PZP: variants seen among roughly 807,000 people sequenced by gnomAD.
The protein encoded by PZP is PZP alpha-2-macroglobulin like.
Under a neutral mutation model 179.8 loss-of-function variants are expected in PZP, and 150 were observed. That is an observed-to-expected ratio of 0.83 (90% CI 0.73 to 0.96). The LOEUF (loss-of-function observed/expected upper bound fraction) is 0.96. Ranked by LOEUF, PZP falls within the 40% of genes least tolerant of loss-of-function variation. The pLI is 0.00. For synonymous variants in PZP, 624 were observed against 652.3 expected, an observed-to-expected ratio of 0.96 and a Z score of 0.66; for missense variants, 1,689 against 1,764.0, an observed-to-expected ratio of 0.96 and a Z score of 0.76.
At chr12:9,207,251 C>T (rs773680661) in intron 1 of PZP, among the ~76,000 whole-genome samples, 3 of 152,242 alleles carry the variant, frequency 2.0e-5, no homozygotes, top group South Asian at 2.1e-4. Flanking sequence ...ACAGGAGACA[C>T]GATAGGCATC....
At position 9,166,155 on chromosome 12, in the gene PZP, A is replaced by G. The variant is rs750976221; in HGVS notation, c.2155T>C (p.Tyr719His). The G allele has an allele frequency of 3.7e-6, 6 of 1,613,798 alleles. No homozygotes were observed. In the African/African-American group the frequency reaches 4.0e-5, roughly 11 times the overall value. ...TCATTATTTAAGGGTATCACATTAT[A>G]TGTGCCTAATTGAGGAACATATGGT... is the stretch of plus-strand genomic sequence containing the variant. The part of the protein sequence containing the change: ...ERPYVPQLGT[Y>H]NVIPLNNEQS... Residue 719 changes from tyrosine to histidine, a missense_variant, in exon 18 of 36, where the codon TAT (tyrosine) becomes CAT (histidine). By Grantham distance (83) the Tyr-to-His change is moderately conservative (BLOSUM62 2). Coordinates refer to ENST00000261336, the MANE Select transcript of PZP (RefSeq NM_002864.3).
intron 7 of PZP, 136 bp from the exon 8 acceptor site, chr12:9,197,259 C>T (rs948443418): frequency 5.8e-5 from 34 of 581,884 alleles, no homozygotes; most frequent in Non-Finnish European, 8.1e-5. Flanking sequence ...AGAAAGCTGT[C>T]TGGAAAATGT....
chr12:9,160,025 C>A lies in PZP; in HGVS notation c.3050G>T (p.Gly1017Val). The A allele has an allele frequency of 6.2e-7, 1 of 1,612,686 alleles. No individual in the cohort carries two copies. The highest frequency in any genetic ancestry group is 8.5e-7 in the Non-Finnish European group (1 of 1,178,812). Residue 1017 changes from glycine (G) to valine (V), a missense_variant and splice_region_variant, in exon 25 of 36, where the codon GGT (glycine) becomes GTT (valine). Transcript: ENST00000261336. ...TTTGTAGTTCAGCTGTCTCTGGTAA[C>A]CTGAAATGGAAGGCTTCAGATTGTT... ...KAKAVGYLIT[G>V]YQRQLNYKHQ... is the part of the protein sequence containing the mutation.
At chr12:9,188,426 G>A (rs1228126781) in intron 13 of PZP, among the ~76,000 whole-genome samples, 2 of 152,070 alleles carry the variant, frequency 1.3e-5, no homozygotes. Flanking sequence ...ATACTGAATG[G>A]GCAAAAGCTG....
chr12:9,158,685 C>T (rs7309821), intron 25 of PZP, 109 bp from the exon 26 acceptor site: 301,663 of 1,064,158 alleles, frequency 0.28, 46,105 homozygotes, highest in Admixed American at 0.32. Flanking sequence ...GAAAGTCAAT[C>T]AGCTGTTACT....
intron 33 of PZP, among the ~76,000 whole-genome samples, chr12:9,150,962 C>T (rs1023354215): frequency 6.6e-6 from 1 of 152,196 alleles, no homozygotes; most frequent in Admixed American, 6.5e-5. Flanking sequence ...ACTGAGCCAA[C>T]CCTATTCTTT....
At chr12:9,182,709 G>A (rs1175091213) in intron 13 of PZP, among the ~76,000 whole-genome samples, 1 of 152,134 alleles carries the variant, frequency 6.6e-6, no homozygotes, top group Non-Finnish European at 1.5e-5. Flanking sequence ...TTTAAAGCAG[G>A]GTGAAGGGCC....
intron 12 of PZP, 40 bp from the exon 13 acceptor site, chr12:9,192,296 A>G: frequency 1.3e-6 from 2 of 1,587,128 alleles, no homozygotes; most frequent in Non-Finnish European, 1.7e-6. Flanking sequence ...CTTGAGCTGG[A>G]CACAGTTCTC....
chr12:9,152,852 T>C lies in PZP; in HGVS notation c.4093A>G (p.Thr1365Ala), dbSNP rs762863326. The change falls in exon 31 of 36, where the codon ACC becomes GCC. Residue 1365 changes from threonine to alanine, a missense_variant. This residue lies in a region of PZP where 746 missense variants were observed against 749.2 expected (regional missense o/e 1.00). Coordinates refer to ENST00000261336, the MANE Select transcript of PZP (RefSeq NM_002864.3). ...ATGGTCAGTGAGATCTGAAAGCTGG[T>C]GTGGGCTTTGTGTCCATCGCAAGTT... is the stretch of plus-strand genomic sequence containing the variant. ...PQTCDGHKAH[T>A]SFQISLTISY... The C allele has an allele frequency of 6.2e-7, 1 of 1,614,174 alleles. No homozygotes were observed. Among genetic ancestry groups the C allele is most frequent in the Non-Finnish European group, 8.5e-7 (1 of 1,180,016 alleles).
intron 24 of PZP, 109 bp from the exon 25 acceptor site, chr12:9,160,134 A>G: frequency 8.4e-7 from 1 of 1,197,502 alleles, no homozygotes; most frequent in South Asian, 1.4e-5. Flanking sequence ...ACCTTCTGTG[A>G]TCTGCCATAG....
At chr12:9,197,687 AAT>A (rs1306823407) in intron 7 of PZP, among the ~76,000 whole-genome samples, 5 of 93,070 alleles carry the variant, frequency 5.4e-5, no homozygotes, top group African/African-American at 1.3e-4. Flanking sequence ...TACAATACAT[AAT>A]ATATATAATT....
Position 9,157,985 on chromosome 12 carries a change from G to C in PZP, c.3295-144C>G, listed in dbSNP as rs890098215. The C allele has an allele frequency of 6.8e-6, 5 of 736,766 alleles. No individual in the cohort carries two copies. The African/African-American group carries it at 8.7e-5, about 13-fold the overall frequency. 45.6% of individuals were successfully genotyped at this position (736,766 alleles called of 1,614,324 possible). A position where few individuals can be genotyped will look rare whatever the true frequency, so the allele number is the denominator to read the frequency against. Reference sequence around the variant, plus strand: ...TCTCTCTCTCTCTCGACAGGTTCTTGCTCTGTAGCTCAGGCTGGAGTGCAG... The same window carrying C: ...TCTCTCTCTCTCTCGACAGGTTCTTCCTCTGTAGCTCAGGCTGGAGTGCAG... On this transcript the variant is annotated intron_variant, in intron 26 of 35. Transcript: ENST00000261336.
chr12:9,180,717 C>T (rs1272666668), intron 15 of PZP, among the ~76,000 whole-genome samples: 3 of 152,188 alleles, frequency 2.0e-5, no homozygotes, highest in African/African-American at 4.8e-5. Context: ...ACCTAGGCAT[C>T]ACCATTCAGG....
chr12:9,152,892 C>T lies in PZP; in HGVS notation c.4053G>A (p.Val1351=), dbSNP rs750646578. ...CATCGCAAGTTTGGGGCACAGTCTG[C>T]ACTTTTAAAGCAAATGGGGAGTCCT... ...EKEDSPFALK[V]QTVPQTCDGH... Residue 1351 remains valine, a synonymous_variant, in exon 31 of 36, where the codon GTG becomes GTA. Transcript: ENST00000261336. 6.2e-7 allele frequency: 1 copy of T among 1,614,068 alleles called. No homozygotes were observed.
At chr12:9,204,656 C>A (rs1411875717) in intron 1 of PZP, among the ~76,000 whole-genome samples, 1 of 152,166 alleles carries the variant, frequency 6.6e-6, no homozygotes, top group African/African-American at 2.4e-5. Flanking sequence ...TACACAAACA[C>A]ACACTGTATT....
intron 22 of PZP, among the ~76,000 whole-genome samples, chr12:9,161,489 T>C (rs1941199384): frequency 6.6e-6 from 1 of 152,210 alleles, no homozygotes; most frequent in Non-Finnish European, 1.5e-5. Context: ...TCCAGAGTCC[T>C]TCCTCTTCTC....
chr12:9,137,428 T>C, the PZP span, among the ~76,000 whole-genome samples: 1 of 152,090 alleles, frequency 6.6e-6, no homozygotes, highest in Admixed American at 6.5e-5. Flanking sequence ...ATTACTGTGG[T>C]TTTGTACTAA....
rs1324905849 is a variant in PZP at position 9,202,693 on chromosome 12, C to G, written c.268-9G>C. On this transcript the variant is annotated splice_polypyrimidine_tract_variant and intron_variant, in intron 2 of 35. Coordinates refer to ENST00000261336, the MANE Select transcript of PZP (RefSeq NM_002864.3). ...GCTGAGATCCTTGGGAGCTAAAAAG[C>G]AAAGGATTTTTTACTACTGAGGAAC... 6.2e-7 allele frequency: 1 copy of G among 1,612,024 alleles called. No homozygotes were observed. Among genetic ancestry groups the G allele is most frequent in the South Asian group, 1.1e-5 (1 of 90,738 alleles).
At chr12:9,194,024 T>C in intron 11 of PZP, 53 bp downstream of exon 11, 7 of 1,511,192 alleles carry the variant, frequency 4.6e-6, no homozygotes, top group Non-Finnish European at 6.4e-6. Flanking sequence ...TCTGAATATA[T>C]CACTGTTCCT....
Sources: allele counts gnomAD v4.1 joint callset (sites outside exome capture counted in the v4.1 genomes callset), GRCh38; gene constraint gnomAD v4.1.1; regional missense constraint gnomAD v4.1.1; transcripts MANE v1.5; gene names NCBI Gene and HGNC (gene_info 2026-07-23, HGNC 2026-07-21).